The following GPC6 variants were observed in gnomAD, a reference collection of about 807,000 sequenced individuals.
GPC6 encodes glypican 6.
A neutral mutation model predicts 55.2 loss-of-function variants in GPC6; 14 were observed. The ratio of observed to expected loss-of-function variants is 0.25; its 90% confidence interval spans 0.17 to 0.40. GPC6 has a LOEUF of 0.40. Ranked by LOEUF, GPC6 falls within the 10% of genes least tolerant of loss-of-function variation. GPC6 has a pLI of 1.00. For synonymous variants in GPC6, 278 were observed against 259.6 expected, an observed-to-expected ratio of 1.07 and a Z score of -0.68; for missense variants, 641 against 708.5, an observed-to-expected ratio of 0.90 and a Z score of 1.08.
At chr13:94,105,868 T>C (rs1460657582) in intron 4 of GPC6, among the ~76,000 whole-genome samples, 1 of 152,142 alleles carries the variant, frequency 6.6e-6, no homozygotes, top group Non-Finnish European at 1.5e-5. Context: ...TAATGCCCAC[T>C]GTAGGTAGGG....
At chr13:93,437,898 A>G (rs1877634261) in intron 1 of GPC6, among the ~76,000 whole-genome samples, 1 of 152,186 alleles carries the variant, frequency 6.6e-6, no homozygotes, top group Admixed American at 6.5e-5. Flanking sequence ...TCAAAGCTTC[A>G]AAGGACAGGC....
chr13:93,964,706 G>C (rs1431655082), intron 3 of GPC6, among the ~76,000 whole-genome samples: 1 of 152,156 alleles, frequency 6.6e-6, no homozygotes, highest in Non-Finnish European at 1.5e-5. Context: ...AGTATCCAGA[G>C]GGCAAAAGTG....
chr13:94,219,916 T>A (rs1209731696), intron 4 of GPC6, among the ~76,000 whole-genome samples: 1 of 152,158 alleles, frequency 6.6e-6, no homozygotes, highest in African/African-American at 2.4e-5. Flanking sequence ...CCCAGTCTTA[T>A]TGGTTCCAAG....
In GPC6 at chr13:93,664,687, G is replaced by C. The variant is rs150820506; in HGVS notation, c.319+119266G>C. ...GGCTGGAGTGCAGTCATGTGATCTC[G>C]GCTCACTGCAACCTGCACCTCCCGG... On this transcript the variant is annotated intron_variant, in intron 2 of 8. Coordinates refer to ENST00000377047, the MANE Select transcript of GPC6 (RefSeq NM_005708.5). 2.0e-3 allele frequency among the ~76,000 whole-genome samples: 310 copies of C among 152,040 alleles called. 3 individuals are homozygous for C. Among genetic ancestry groups the C allele is most frequent in the African/African-American group, 6.6e-3 (273 of 41,482 alleles).
chr13:93,907,457 A>G (rs1594577801), intron 3 of GPC6, among the ~76,000 whole-genome samples: 1 of 152,180 alleles, frequency 6.6e-6, no homozygotes, highest in East Asian at 1.9e-4. Flanking sequence ...TAAATAATTG[A>G]TAAACGATCT....
intron 1 of GPC6, among the ~76,000 whole-genome samples, chr13:93,238,242 C>A (rs1263668030): frequency 6.6e-6 from 1 of 152,050 alleles, no homozygotes; most frequent in East Asian, 1.9e-4. Flanking sequence ...CAGTTTCTTT[C>A]CTCAGCGTTT....
chr13:94,095,584 C>T (rs775693495), intron 4 of GPC6, among the ~76,000 whole-genome samples: 5 of 152,022 alleles, frequency 3.3e-5, no homozygotes, highest in Non-Finnish European at 5.9e-5. Context: ...GAATTTGGAC[C>T]AGCCACATTT....
chr13:93,988,606 T>C (rs752402583), intron 3 of GPC6, among the ~76,000 whole-genome samples: 2 of 152,120 alleles, frequency 1.3e-5, no homozygotes, highest in Non-Finnish European at 2.9e-5. Context: ...CTTTTCTGTG[T>C]TCTCATATGG....
intron 2 of GPC6, among the ~76,000 whole-genome samples, chr13:93,674,174 G>A (rs935095179): frequency 6.6e-6 from 1 of 152,098 alleles, no homozygotes; most frequent in Non-Finnish European, 1.5e-5. Context: ...ATCAGGCTGC[G>A]TGTGGTAGAA....
chr13:94,213,625 G>A (rs909470977), intron 4 of GPC6, among the ~76,000 whole-genome samples: 2 of 152,072 alleles, frequency 1.3e-5, no homozygotes, highest in African/African-American at 4.8e-5. Flanking sequence ...GACTTGCCTC[G>A]GTTCCATGTG....
intron 6 of GPC6, among the ~76,000 whole-genome samples, chr13:94,359,080 G>A (rs537452603): frequency 6.1e-4 from 93 of 152,200 alleles, no homozygotes; most frequent in Middle Eastern, 3.4e-3. Flanking sequence ...TCTCATTTAG[G>A]CACTTGGATA....
chr13:93,569,289 T>TCTGC (rs1189194310), intron 2 of GPC6, among the ~76,000 whole-genome samples: 1 of 152,176 alleles, frequency 6.6e-6, no homozygotes, highest in Non-Finnish European at 1.5e-5. Flanking sequence ...ACAGCACTTG[T>TCTGC]CTGATTCGTA....
At chr13:93,546,263 G>C (rs1207921047) in intron 2 of GPC6, among the ~76,000 whole-genome samples, 1 of 152,170 alleles carries the variant, frequency 6.6e-6, no homozygotes, top group African/African-American at 2.4e-5. Context: ...TAGAGCAAAA[G>C]AGCTGCTATT....
At chr13:93,915,510 G>A (rs1877240671) in intron 3 of GPC6, among the ~76,000 whole-genome samples, 1 of 152,120 alleles carries the variant, frequency 6.6e-6, no homozygotes, top group Non-Finnish European at 1.5e-5. Context: ...GAAAAACAGT[G>A]CAATGAAACT....
chr13:93,433,365 T>C (rs1048213318), intron 1 of GPC6, among the ~76,000 whole-genome samples: 89 of 152,280 alleles, frequency 5.8e-4, no homozygotes, highest in East Asian at 1.2e-3. Flanking sequence ...TCAACAGTTA[T>C]TTCACTGGGG....
At chr13:93,441,162 C>T (rs1293342718) in intron 1 of GPC6, among the ~76,000 whole-genome samples, 1 of 152,168 alleles carries the variant, frequency 6.6e-6, no homozygotes, top group African/African-American at 2.4e-5. Context: ...CATATGTGTG[C>T]ATGTGTCTTT....
At chr13:94,065,709 C>T (rs941529334) in intron 4 of GPC6, among the ~76,000 whole-genome samples, 10 of 152,114 alleles carry the variant, frequency 6.6e-5, no homozygotes, top group Non-Finnish European at 1.2e-4. Context: ...CAATGTTTAC[C>T]AGGCCCCTAG....
intron 3 of GPC6, among the ~76,000 whole-genome samples, chr13:93,872,470 C>A (rs1326985253): frequency 6.6e-6 from 1 of 151,878 alleles, no homozygotes; most frequent in African/African-American, 2.4e-5. Context: ...TTGTGGAAGT[C>A]AAAAGTCCAA....
chr13:93,579,996 T>C (rs1876859980), intron 2 of GPC6, among the ~76,000 whole-genome samples: 1 of 152,236 alleles, frequency 6.6e-6, no homozygotes, highest in South Asian at 2.1e-4. Context: ...AAATGTACTC[T>C]GCTTATTTCT....
Sources: allele counts gnomAD v4.1 joint callset (sites outside exome capture counted in the v4.1 genomes callset), GRCh38; gene constraint gnomAD v4.1.1; transcripts MANE v1.5; gene names NCBI Gene and HGNC (gene_info 2026-07-23, HGNC 2026-07-21).